The following GAS7 variants were observed in gnomAD, a reference collection of about 807,000 sequenced individuals.
The protein encoded by GAS7 is growth arrest specific 7, also known as growth arrest-specific protein 7.
Under a neutral mutation model 71.1 loss-of-function variants are expected in GAS7, and 28 were observed. The ratio of observed to expected loss-of-function variants is 0.39; its 90% CI spans 0.29 to 0.54. The LOEUF is 0.54. Ranked by LOEUF, GAS7 falls within the 20% of genes least tolerant of loss-of-function variation. The probability of loss-of-function intolerance (pLI) is 0.62; values close to 1 mark genes in which losing one functional copy is unlikely to be tolerated. For missense variants in GAS7, 436 were observed against 627.8 expected, an observed-to-expected ratio of 0.69 and a Z score of 3.27; for synonymous variants, 258 against 245.8, an observed-to-expected ratio of 1.05 and a Z score of -0.46.
intron 3 of GAS7, among the ~76,000 whole-genome samples, chr17:9,973,816 C>A (rs770134416): frequency 4.6e-5 from 7 of 152,180 alleles, no homozygotes; most frequent in Non-Finnish European, 1.0e-4. Context: ...GTCAACATGA[C>A]CCTGGTCTTA....
At chr17:10,003,187 G>A (rs1364835193) in intron 2 of GAS7, among the ~76,000 whole-genome samples, 1 of 152,182 alleles carries the variant, frequency 6.6e-6, no homozygotes, top group African/African-American at 2.4e-5. Flanking sequence ...AAGTTGATCT[G>A]GGGATGAGAA....
At chr17:9,995,810 AC>A in intron 2 of GAS7, among the ~76,000 whole-genome samples, 1 of 152,204 alleles carries the variant, frequency 6.6e-6, no homozygotes, top group Admixed American at 6.5e-5. Context: ...TTTGTGGAGC[AC>A]TTTTCATTAG....
chr17:10,010,804 T>C (rs776730371), intron 2 of GAS7, among the ~76,000 whole-genome samples: 8 of 152,242 alleles, frequency 5.3e-5, no homozygotes, highest in Non-Finnish European at 7.3e-5. Flanking sequence ...GTACAGTTTC[T>C]AGTGAATGAG....
At position 9,939,593 on chromosome 17, in the gene GAS7, G is replaced by A. The variant is rs143607279; in HGVS notation, c.806+533C>T. Among the ~76,000 whole-genome samples the A allele has an allele frequency of 7.8e-3, 1,189 of 151,880 alleles. 9 individuals carry two copies. Among genetic ancestry groups the A allele is most frequent in the Middle Eastern group, 0.014 (4 of 292 alleles). ...TGGAACGTGGCTCTTGGTCACTAAA[G>A]AGAAGACAATGTGGAAGTGCCTTTT... On this transcript the variant is annotated intron_variant, in intron 8 of 13. Coordinates refer to ENST00000432992, the MANE Select transcript of GAS7 (RefSeq NM_201433.2).
chr17:10,024,232 G>T (rs1013574495), intron 1 of GAS7, among the ~76,000 whole-genome samples: 15 of 152,192 alleles, frequency 9.9e-5, no homozygotes, highest in Non-Finnish European at 2.1e-4. Flanking sequence ...AACAGCACCA[G>T]CATTACCTCA....
At chr17:10,005,181 G>GTGTGTGCACGCGTGCA (rs2071455150) in intron 2 of GAS7, among the ~76,000 whole-genome samples, 2 of 151,462 alleles carry the variant, frequency 1.3e-5, no homozygotes, top group African/African-American at 4.9e-5. Flanking sequence ...ATGCATGTAT[G>GTGTGTGCACGCGTGCA]TGTATGTGCA....
At chr17:10,016,563 G>C (rs1029214886) in intron 2 of GAS7, among the ~76,000 whole-genome samples, 1 of 142,074 alleles carries the variant, frequency 7.0e-6, no homozygotes, top group African/African-American at 2.7e-5. Context: ...CCAGAAGTTC[G>C]GGATCAGCCT....
At chr17:10,001,982 A>G (rs769950503) in intron 2 of GAS7, among the ~76,000 whole-genome samples, 10 of 152,130 alleles carry the variant, frequency 6.6e-5, no homozygotes, top group Non-Finnish European at 1.2e-4. Flanking sequence ...GGGTATTGAA[A>G]TGTAGGGGAC....
intron 2 of GAS7, among the ~76,000 whole-genome samples, chr17:9,991,998 T>C (rs1454943710): frequency 6.6e-6 from 1 of 152,174 alleles, no homozygotes; most frequent in Non-Finnish European, 1.5e-5. Flanking sequence ...GAGCCACTTG[T>C]TAGAAATACT....
At chr17:9,935,358 A>G (rs1328984201) in intron 8 of GAS7, among the ~76,000 whole-genome samples, 1 of 152,338 alleles carries the variant, frequency 6.6e-6, no homozygotes, top group Non-Finnish European at 1.5e-5. Context: ...AGACTTGCCA[A>G]TGCAGGCCCC....
chr17:10,005,131 A>ATG (rs1215637208), intron 2 of GAS7, among the ~76,000 whole-genome samples: 15 of 104,584 alleles, frequency 1.4e-4, no homozygotes, highest in African/African-American at 4.2e-4. Context: ...GCATACCAGC[A>ATG]TGTGTGCGCG....
At chr17:10,060,859 C>T (rs982340574) in intron 1 of GAS7, among the ~76,000 whole-genome samples, 1 of 152,126 alleles carries the variant, frequency 6.6e-6, no homozygotes, top group Non-Finnish European at 1.5e-5. Context: ...GAACCAGGGG[C>T]GACTTTGTCC....
rs1046601190 is a variant in GAS7, at chr17:10,055,418, C to T, written c.184-35521G>A. ...TCTGCCCACAGAAGCTGTCCCCTGGCGGACCTCAGGCCCTGGCCACCTCCC... is the reference window on the plus strand; with the variant it reads ...TCTGCCCACAGAAGCTGTCCCCTGGTGGACCTCAGGCCCTGGCCACCTCCC... On this transcript the variant is annotated intron_variant, in intron 1 of 13. Coordinates refer to ENST00000432992, the MANE Select transcript of GAS7 (RefSeq NM_201433.2). 3.9e-5 allele frequency among the ~76,000 whole-genome samples: 6 copies of T among 152,160 alleles called. No individual in the cohort carries two copies. The East Asian group carries it at 7.7e-4, about 20-fold the overall frequency.
chr17:10,149,735 T>G (rs1401746532), intron 1 of GAS7, among the ~76,000 whole-genome samples: 1 of 152,156 alleles, frequency 6.6e-6, no homozygotes, highest in Non-Finnish European at 1.5e-5. Context: ...ACGTGGCATA[T>G]CGGGATAATG....
chr17:10,078,148 G>C (rs1265174358), intron 1 of GAS7, among the ~76,000 whole-genome samples: 1 of 152,050 alleles, frequency 6.6e-6, no homozygotes, highest in Non-Finnish European at 1.5e-5. Context: ...CTGGAGTACA[G>C]TGGTGCAATC....
At chr17:9,948,172 T>C (rs546546360) in intron 5 of GAS7, among the ~76,000 whole-genome samples, 1 of 152,374 alleles carries the variant, frequency 6.6e-6, no homozygotes, top group African/African-American at 2.4e-5. Flanking sequence ...ATGTCAATTT[T>C]GGACTATGGG....
At chr17:10,152,373 A>G (rs905410419) in intron 1 of GAS7, among the ~76,000 whole-genome samples, 1 of 152,254 alleles carries the variant, frequency 6.6e-6, no homozygotes, top group Non-Finnish European at 1.5e-5. Flanking sequence ...CGTCTAAGGC[A>G]TGCAGGCGGA....
At chr17:10,009,300 G>A (rs1342054545) in intron 2 of GAS7, among the ~76,000 whole-genome samples, 16 of 133,650 alleles carry the variant, frequency 1.2e-4, no homozygotes, top group Admixed American at 9.9e-4. Flanking sequence ...CAGTCTGGGC[G>A]ACAGAGCGAG....
At chr17:9,990,055 G>A (rs2070781986) in intron 2 of GAS7, among the ~76,000 whole-genome samples, 1 of 152,066 alleles carries the variant, frequency 6.6e-6, no homozygotes, top group South Asian at 2.1e-4. Flanking sequence ...GGATCATGAG[G>A]TCAGGAGATC....
Sources: allele counts gnomAD v4.1 joint callset (sites outside exome capture counted in the v4.1 genomes callset), GRCh38; gene constraint gnomAD v4.1.1; transcripts MANE v1.5; gene names NCBI Gene and HGNC (gene_info 2026-07-23, HGNC 2026-07-21).